The following RBFOX1 variants were observed in gnomAD, a reference collection of about 807,000 sequenced individuals.
RBFOX1 encodes RNA binding fox-1 homolog 1, also known as RNA binding protein fox-1 homolog 1.
In RBFOX1, 8 loss-of-function variants were observed where a neutral mutation model predicts 57.7. The observed-to-expected ratio is 0.14, with a 90% confidence interval of 0.08 to 0.25. The LOEUF is 0.25. Among genes scored for constraint, RBFOX1 ranks in the 10% least tolerant of loss-of-function variants. The pLI, the probability that RBFOX1 is intolerant of heterozygous loss-of-function variation, is 1.00. For synonymous variants in RBFOX1, 326 were observed against 222.4 expected, an observed-to-expected ratio of 1.47 and a Z score of -4.15; for missense variants, 611 against 548.5, an observed-to-expected ratio of 1.11 and a Z score of -1.14.
chr16:7,081,337 C>T (rs2059167195), intron 4 of RBFOX1, among the ~76,000 whole-genome samples: 1 of 152,168 alleles, frequency 6.6e-6, no homozygotes, highest in Admixed American at 6.5e-5. Context: ...GCCCGGCCCA[C>T]ACTGGCCTTA....
intron 3 of RBFOX1, among the ~76,000 whole-genome samples, chr16:5,758,769 C>G (rs1049822139): frequency 6.6e-6 from 1 of 152,088 alleles, no homozygotes; most frequent in African/African-American, 2.4e-5. Context: ...AAGACCTTCA[C>G]TTTTTGGATA....
At chr16:5,304,039 A>G (rs1305853457) in intron 1 of RBFOX1, among the ~76,000 whole-genome samples, 1 of 152,158 alleles carries the variant, frequency 6.6e-6, no homozygotes, top group African/African-American at 2.4e-5. Context: ...TTAATTTTTC[A>G]TTTCCATTTG....
chr16:6,408,727 G>A (rs1004369223), intron 2 of RBFOX1, among the ~76,000 whole-genome samples: 1 of 152,156 alleles, frequency 6.6e-6, no homozygotes, highest in Non-Finnish European at 1.5e-5. Context: ...CAAAGGGCAT[G>A]GCATTAGGAA....
intron 4 of RBFOX1, among the ~76,000 whole-genome samples, chr16:7,233,102 A>G (rs2093593639): frequency 6.6e-6 from 1 of 152,106 alleles, no homozygotes; most frequent in African/African-American, 2.4e-5. Context: ...CACAATGTAC[A>G]TAGGATGCTT....
rs5815427 is a variant in RBFOX1 at position 7,710,844 on chromosome 16, T to TAAAA, written c.*110_*113dup. 12 of 827,162 alleles carry TAAAA rather than the reference T, an allele frequency of 1.5e-5. No individual in the cohort carries two copies. Among genetic ancestry groups the TAAAA allele is most frequent in the African/African-American group, 1.8e-5 (1 of 55,642 alleles). The allele number at this position is 827,162 out of a possible 1,614,324, so 51.2% of individuals were successfully genotyped here. A position where few individuals can be genotyped will look rare whatever the true frequency, so the allele number is the denominator to read the frequency against. The stretch of plus-strand genomic sequence containing the variant: ...CAGTAGTACATCATTTTAGCAACTC[T>TAAAA]AAAAAAAAAAAAAATACAAATAAAA... On this transcript the variant is annotated 3_prime_UTR_variant, in exon 16 of 16. Transcript: ENST00000550418.
At chr16:6,031,070 G>T (rs191113354) in intron 1 of RBFOX1, among the ~76,000 whole-genome samples, 1 of 152,156 alleles carries the variant, frequency 6.6e-6, no homozygotes, top group Non-Finnish European at 1.5e-5. Context: ...CAACAGAATG[G>T]AGCATTCATG....
intron 3 of RBFOX1, among the ~76,000 whole-genome samples, chr16:6,678,347 C>T (rs905149271): frequency 6.6e-6 from 1 of 152,072 alleles, no homozygotes; most frequent in Non-Finnish European, 1.5e-5. Context: ...CTGGTTTGAA[C>T]TCCTGACCTC....
intron 3 of RBFOX1, among the ~76,000 whole-genome samples, chr16:5,789,993 GTTTA>G (rs771642946): frequency 1.3e-5 from 2 of 152,206 alleles, no homozygotes; most frequent in African/African-American, 2.4e-5. Context: ...TGCAGGAAAA[GTTTA>G]TTTCTCTCCC....
chr16:6,315,216 C>T (rs12926162), intron 1 of RBFOX1, among the ~76,000 whole-genome samples: 25,388 of 152,178 alleles, frequency 0.17, 2,224 homozygotes, highest in South Asian at 0.24. Context: ...GTGACTTGGC[C>T]ATGGTCACAA....
intron 1 of RBFOX1, among the ~76,000 whole-genome samples, chr16:5,414,263 G>A (rs1031109544): frequency 2.6e-5 from 4 of 152,170 alleles, no homozygotes; most frequent in Non-Finnish European, 5.9e-5. Flanking sequence ...TTGTAAAGGA[G>A]TCTGTATGAA....
intron 3 of RBFOX1, among the ~76,000 whole-genome samples, chr16:6,740,792 G>A (rs1449756650): frequency 6.6e-6 from 1 of 152,160 alleles, no homozygotes; most frequent in African/African-American, 2.4e-5. Flanking sequence ...TGCCATTTCT[G>A]CTCAAATTGA....
chr16:5,993,717 C>A (rs2060445675), intron 4 of RBFOX1, among the ~76,000 whole-genome samples: 1 of 152,058 alleles, frequency 6.6e-6, no homozygotes, highest in African/African-American at 2.4e-5. Flanking sequence ...ATCATTTGAC[C>A]TTTGTATTTT....
chr16:7,299,745 T>C (rs2095985847), intron 4 of RBFOX1, among the ~76,000 whole-genome samples: 1 of 152,188 alleles, frequency 6.6e-6, no homozygotes, highest in African/African-American at 2.4e-5. Flanking sequence ...GCTTAATGTA[T>C]ACATTAGAAG....
At position 7,519,418 on chromosome 16, in the gene RBFOX1, G is replaced by T. The variant is rs981328530; in HGVS notation, c.270+1029G>T. Reference sequence around the variant, plus strand: ...TGGTGACGGTTACATGACTTTATACGCCATAAAGAGTAAATTTTATTGCGT... The same window carrying T: ...TGGTGACGGTTACATGACTTTATACTCCATAAAGAGTAAATTTTATTGCGT... On this transcript the variant is annotated intron_variant, in intron 5 of 15. Coordinates refer to ENST00000550418, the MANE Select transcript of RBFOX1 (RefSeq NM_018723.4). Among the ~76,000 whole-genome samples the T allele has an allele frequency of 3.1e-4, 47 of 152,202 alleles. 1 individual carries two copies. The highest frequency in any genetic ancestry group is 1.1e-3 in the African/African-American group (46 of 41,522).
chr16:7,437,866 GA>G (rs919497095), intron 4 of RBFOX1, among the ~76,000 whole-genome samples: 14 of 119,108 alleles, frequency 1.2e-4, no homozygotes, highest in African/African-American at 1.9e-4. Context: ...AGCAAAGTCA[GA>G]AAAAAAAAAT....
intron 4 of RBFOX1, among the ~76,000 whole-genome samples, chr16:7,418,671 C>T (rs922370549): frequency 6.6e-6 from 1 of 152,134 alleles, no homozygotes; most frequent in Non-Finnish European, 1.5e-5. Context: ...AATTTTTACT[C>T]CCTTACTTTT....
chr16:7,359,028 C>T (rs188070988), intron 4 of RBFOX1, among the ~76,000 whole-genome samples: 1 of 152,270 alleles, frequency 6.6e-6, no homozygotes, highest in African/African-American at 2.4e-5. Flanking sequence ...TCTTTGCTGC[C>T]TCCACCTTCC....
intron 1 of RBFOX1, among the ~76,000 whole-genome samples, chr16:5,258,556 C>T (rs1360712362): frequency 6.6e-6 from 1 of 152,142 alleles, no homozygotes; most frequent in Non-Finnish European, 1.5e-5. Flanking sequence ...AATAAGATCT[C>T]AAGATTTAAT....
intron 4 of RBFOX1, among the ~76,000 whole-genome samples, chr16:5,899,970 G>A (rs928986609): frequency 1.3e-5 from 2 of 152,176 alleles, no homozygotes; most frequent in African/African-American, 2.4e-5. Context: ...CTACTGGGAT[G>A]GGGAGGCTGA....
Sources: allele counts gnomAD v4.1 joint callset (sites outside exome capture counted in the v4.1 genomes callset), GRCh38; gene constraint gnomAD v4.1.1; transcripts MANE v1.5; gene names NCBI Gene and HGNC (gene_info 2026-07-23, HGNC 2026-07-21).